Variants in CCDC3 observed in about 807,000 individuals in gnomAD.
CCDC3 encodes the protein coiled-coil domain containing 3, also known as coiled-coil domain-containing protein 3.
In CCDC3, 24 loss-of-function variants were observed where a neutral mutation model predicts 21.4. That is an observed-to-expected ratio of 1.12 (90% CI 0.81 to 1.58). The LOEUF is 1.58. Ranked by LOEUF, CCDC3 falls within the 40% of genes most tolerant of loss-of-function variation. CCDC3 has a pLI of 0.00. For missense variants in CCDC3, 425 were observed against 360.9 expected (o/e 1.18, Z -1.44); for synonymous variants, 186 against 166.0 (o/e 1.12, Z -0.93).
intron 4 of CCDC3, among the ~76,000 whole-genome samples, chr10:13,056,409 G>A (rs757632215): frequency 4.6e-5 from 7 of 152,028 alleles, no homozygotes; most frequent in Non-Finnish European, 8.8e-5. Flanking sequence ...TGTGTGCACA[G>A]GAAGGAGAGG....
chr10:13,090,598 G>C (rs1471008000), intron 3 of CCDC3, among the ~76,000 whole-genome samples: 1 of 152,128 alleles, frequency 6.6e-6, no homozygotes, highest in Admixed American at 6.5e-5. Flanking sequence ...CACAAGTAAT[G>C]CAAGTTACTC....
chr10:12,943,385 T>A (rs1486798936), intron 2 of CCDC3, among the ~76,000 whole-genome samples: 1 of 152,202 alleles, frequency 6.6e-6, no homozygotes, highest in East Asian at 1.9e-4. Flanking sequence ...AAAGAAATTA[T>A]TTAGGCAGTT....
intron 3 of CCDC3, among the ~76,000 whole-genome samples, chr10:13,095,780 G>A (rs773380139): frequency 2.6e-5 from 4 of 152,150 alleles, no homozygotes; most frequent in South Asian, 2.1e-4. Flanking sequence ...TAATCCACAT[G>A]CCATAAAATT....
chr10:12,900,363 T>A (rs1190903043), intron 2 of CCDC3, among the ~76,000 whole-genome samples: 2 of 152,110 alleles, frequency 1.3e-5, no homozygotes, highest in African/African-American at 4.8e-5. Flanking sequence ...GAGCCTCAAC[T>A]TTCCTCTGCT....
At chr10:12,929,056 G>A (rs1341425024) in intron 2 of CCDC3, among the ~76,000 whole-genome samples, 1 of 152,088 alleles carries the variant, frequency 6.6e-6, no homozygotes, top group Non-Finnish European at 1.5e-5. Context: ...GAGGTCAGGA[G>A]TTCAAGACCA....
intron 2 of CCDC3, among the ~76,000 whole-genome samples, chr10:12,993,777 C>T (rs952569444): frequency 2.6e-5 from 4 of 152,118 alleles, no homozygotes; most frequent in African/African-American, 9.7e-5. Context: ...ATCTTGGCAG[C>T]TTTTGAAAGA....
chr10:12,916,200 A>G (rs374359030), intron 2 of CCDC3, among the ~76,000 whole-genome samples: 46 of 152,232 alleles, frequency 3.0e-4, no homozygotes, highest in Non-Finnish European at 4.7e-4. Flanking sequence ...TTGGGAGGCC[A>G]AGGTGGGCGG....
chr10:13,079,109 T>C (rs539655298), intron 3 of CCDC3, among the ~76,000 whole-genome samples: 7 of 152,226 alleles, frequency 4.6e-5, no homozygotes, highest in Admixed American at 4.6e-4. Flanking sequence ...TAAAATTACC[T>C]TGCTGAGAAA....
chr10:13,027,935 T>C (rs188172459), intron 5 of CCDC3, among the ~76,000 whole-genome samples: 1 of 152,280 alleles, frequency 6.6e-6, no homozygotes. Flanking sequence ...ATCTTCTCAA[T>C]TAATGATGGA....
chr10:12,926,201 G>C (rs1054320066), intron 2 of CCDC3, among the ~76,000 whole-genome samples: 1 of 152,232 alleles, frequency 6.6e-6, no homozygotes, highest in Admixed American at 6.5e-5. Flanking sequence ...GGAGTGTGAA[G>C]ACAGCTGGGA....
intron 3 of CCDC3, among the ~76,000 whole-genome samples, chr10:13,094,689 C>A (rs1588423893): frequency 6.6e-6 from 1 of 151,870 alleles, no homozygotes; most frequent in African/African-American, 2.4e-5. Context: ...CATGGTGAAA[C>A]CCTATGTCTA....
At chr10:13,013,612 A>G (rs1196072785) in intron 5 of CCDC3, among the ~76,000 whole-genome samples, 4 of 152,198 alleles carry the variant, frequency 2.6e-5, no homozygotes, top group African/African-American at 9.7e-5. Flanking sequence ...TGGTAATCCA[A>G]GTAAATGTCA....
rs536701270 is a variant in CCDC3 at position 13,072,390 on chromosome 10, C to T, written c.-270+1478G>A. On this transcript the variant is annotated intron_variant, in intron 4 of 6. Coordinates refer to the CCDC3 transcript ENST00000378839. ...CTTATTCTAACCGCCGTTGGATGTA[C>T]TTCTTTAGAGGGGGGAATAAGACAG... is the stretch of plus-strand genomic sequence containing the variant. 1.7e-4 allele frequency among the ~76,000 whole-genome samples: 26 copies of T among 152,284 alleles called. 1 individual carries two copies. The highest frequency in any genetic ancestry group is 9.2e-4 in the Admixed American group (14 of 15,290).
At position 12,898,663 on chromosome 10, in the gene CCDC3, A is replaced by G. The variant is rs1416174376; in HGVS notation, c.566T>C (p.Val189Ala). The change falls in exon 3 of 3, where the codon GTG (valine) becomes GCG (alanine). Residue 189 changes from valine (V) to alanine (A), a missense_variant. Transcript: ENST00000378825. ...QEDSRLMCSS[V>A]QKALFEEEDH... is the part of the protein sequence containing the mutation. ...CTCCTCCTCAAACAAGGCCTTCTGC[A>G]CCGAGGAGCACATGAGCTGGAGGCA... 1.2e-6 allele frequency: 2 copies of G among 1,614,044 alleles called. No homozygotes were observed. The highest frequency in any genetic ancestry group is 1.7e-6 in the Non-Finnish European group (2 of 1,180,006).
chr10:13,064,438 G>A (rs1368801899), intron 4 of CCDC3, among the ~76,000 whole-genome samples: 1 of 152,152 alleles, frequency 6.6e-6, no homozygotes, highest in Admixed American at 6.5e-5. Context: ...AATTTAGAAA[G>A]TTTGTTTTGC....
intron 2 of CCDC3, among the ~76,000 whole-genome samples, chr10:12,933,433 T>C (rs1222464872): frequency 6.6e-6 from 1 of 150,926 alleles, no homozygotes; most frequent in East Asian, 2.0e-4. Context: ...TTGGTGGGCA[T>C]AGAGTTGTTG....
At chr10:12,977,394 T>C (rs1484761361) in intron 2 of CCDC3, among the ~76,000 whole-genome samples, 1 of 152,220 alleles carries the variant, frequency 6.6e-6, no homozygotes, top group Non-Finnish European at 1.5e-5. Flanking sequence ...AATTTTCTCT[T>C]GGTGTCCTTA....
intron 5 of CCDC3, among the ~76,000 whole-genome samples, chr10:13,034,026 T>A (rs1188252108): frequency 6.6e-6 from 1 of 152,110 alleles, no homozygotes; most frequent in African/African-American, 2.4e-5. Flanking sequence ...CATGCTGCTA[T>A]AAAGACACAT....
intron 4 of CCDC3, among the ~76,000 whole-genome samples, chr10:13,063,997 G>A (rs1216874329): frequency 1.3e-5 from 2 of 151,720 alleles, no homozygotes; most frequent in Admixed American, 6.6e-5. Context: ...GTGCCATCTC[G>A]GCTCACTGCA....
Sources: allele counts gnomAD v4.1 joint callset (sites outside exome capture counted in the v4.1 genomes callset), GRCh38; gene constraint gnomAD v4.1.1; transcripts MANE v1.5; gene names NCBI Gene and HGNC (gene_info 2026-07-23, HGNC 2026-07-21).